CSMD1: variants seen among roughly 807,000 people sequenced by gnomAD.
CSMD1 encodes the protein CUB and sushi domain-containing protein 1.
Under a neutral mutation model 417.5 loss-of-function variants are expected in CSMD1, and 213 were observed. That is an observed-to-expected ratio of 0.51 (90% CI 0.46 to 0.57). The LOEUF (loss-of-function observed/expected upper bound fraction) is 0.57, where lower values mean the gene tolerates loss of function less well. CSMD1 is among the 20% of genes least tolerant of loss of function. CSMD1 has a pLI of 0.00. For missense variants in CSMD1, 6,923 were observed against 4,529.7 expected, an observed-to-expected ratio of 1.53 and a Z score of -15.17; for synonymous variants, 2,862 against 1,736.8, an observed-to-expected ratio of 1.65 and a Z score of -16.11.
chr8:4,380,142 C>G (rs1803007741), intron 3 of CSMD1, among the ~76,000 whole-genome samples: 1 of 152,190 alleles, frequency 6.6e-6, no homozygotes, highest in Admixed American at 6.5e-5. Context: ...ATAGTTTCTA[C>G]ATATCTGCCC....
intron 3 of CSMD1, among the ~76,000 whole-genome samples, chr8:4,062,439 A>C (rs1356816398): frequency 6.6e-6 from 1 of 152,162 alleles, no homozygotes; most frequent in East Asian, 1.9e-4. Context: ...TTTTCTAAGA[A>C]TCTCAGATAT....
intron 25 of CSMD1, among the ~76,000 whole-genome samples, chr8:3,291,083 C>G (rs141501108): frequency 0.089 from 13,502 of 152,174 alleles, 769 homozygotes; most frequent in Non-Finnish European, 0.13. Flanking sequence ...TTGAGATAAT[C>G]ATGTGGTTTT....
chr8:4,411,567 C>G (rs1363801713), intron 3 of CSMD1, among the ~76,000 whole-genome samples: 1 of 152,124 alleles, frequency 6.6e-6, no homozygotes, highest in Non-Finnish European at 1.5e-5. Context: ...TTTTTCTGTG[C>G]TCATTGCAAT....
intron 23 of CSMD1, among the ~76,000 whole-genome samples, chr8:3,332,089 CAT>C (rs1491413081): frequency 1.3e-5 from 2 of 152,134 alleles, no homozygotes; most frequent in Non-Finnish European, 2.9e-5. Flanking sequence ...TTGACAGACA[CAT>C]GATAGATACG....
chr8:3,600,538 T>C (rs370410514), intron 8 of CSMD1, among the ~76,000 whole-genome samples: 1 of 152,202 alleles, frequency 6.6e-6, no homozygotes, highest in East Asian at 1.9e-4. Context: ...TGAAATGTCA[T>C]CCTGGGGATA....
chr8:4,769,329 T>G (rs368162922), intron 1 of CSMD1, among the ~76,000 whole-genome samples: 1 of 152,172 alleles, frequency 6.6e-6, no homozygotes, highest in South Asian at 2.1e-4. Flanking sequence ...CTACTACAAT[T>G]ACCGTTTAAG....
Position 4,536,228 on chromosome 8 carries a change from T to G in CSMD1, c.302+101114A>C, listed in dbSNP as rs917354972. Reference sequence around the variant, plus strand: ...GCTTTTGCATTTCATTTTAACCTATTCATAATTATGTGAAACCATATACAC... The same window carrying G: ...GCTTTTGCATTTCATTTTAACCTATGCATAATTATGTGAAACCATATACAC... On this transcript the variant is annotated intron_variant, in intron 2 of 69. Transcript: ENST00000635120. 6.1e-4 allele frequency among the ~76,000 whole-genome samples: 93 copies of G among 152,252 alleles called. 1 individual carries two copies. Among genetic ancestry groups the G allele is most frequent in the African/African-American group, 2.2e-3 (90 of 41,562 alleles).
chr8:4,461,051 C>A (rs1478632341), intron 2 of CSMD1, among the ~76,000 whole-genome samples: 1 of 152,118 alleles, frequency 6.6e-6, no homozygotes, highest in Non-Finnish European at 1.5e-5. Flanking sequence ...ACATATAAAG[C>A]ATTATATACT....
At chr8:3,624,069 A>G (rs1796382491) in intron 7 of CSMD1, among the ~76,000 whole-genome samples, 1 of 152,214 alleles carries the variant, frequency 6.6e-6, no homozygotes, top group African/African-American at 2.4e-5. Flanking sequence ...TAAACTAAAG[A>G]GACACTTTTG....
intron 42 of CSMD1, among the ~76,000 whole-genome samples, chr8:3,115,416 T>C (rs916881518): frequency 1.3e-5 from 2 of 152,130 alleles, no homozygotes; most frequent in Non-Finnish European, 2.9e-5. Context: ...TGGCCAGGCT[T>C]GTCTCAAACT....
chr8:3,603,021 C>T (rs928434122), intron 8 of CSMD1, among the ~76,000 whole-genome samples: 3 of 152,092 alleles, frequency 2.0e-5, no homozygotes, highest in East Asian at 3.9e-4. Context: ...GATATTCCAC[C>T]AGCCCTATTT....
At chr8:4,385,533 C>G (rs563359469) in intron 3 of CSMD1, among the ~76,000 whole-genome samples, 3 of 152,104 alleles carry the variant, frequency 2.0e-5, no homozygotes, top group African/African-American at 7.2e-5. Context: ...ATATTAATCT[C>G]CTTTCATTTT....
intron 54 of CSMD1, among the ~76,000 whole-genome samples, chr8:2,981,769 A>C (rs1312255129): frequency 1.3e-5 from 2 of 152,176 alleles, no homozygotes; most frequent in Non-Finnish European, 2.9e-5. Flanking sequence ...TAAAAGAAGA[A>C]ATTAATACCG....
chr8:3,421,913 C>G (rs1180102491), intron 12 of CSMD1, among the ~76,000 whole-genome samples: 1 of 145,844 alleles, frequency 6.9e-6, no homozygotes, highest in Non-Finnish European at 1.5e-5. Context: ...GCTGGGATTA[C>G]AGGCGTGAGC....
intron 2 of CSMD1, among the ~76,000 whole-genome samples, chr8:4,560,323 C>T (rs1160590436): frequency 6.6e-6 from 1 of 152,208 alleles, no homozygotes; most frequent in Non-Finnish European, 1.5e-5. Context: ...AAACAGGATA[C>T]AGCACGTGGT....
At chr8:4,044,231 C>T (rs920949112) in intron 3 of CSMD1, among the ~76,000 whole-genome samples, 1 of 152,130 alleles carries the variant, frequency 6.6e-6, no homozygotes, top group Non-Finnish European at 1.5e-5. Flanking sequence ...ATACAAATAA[C>T]TTATTTTCTC....
At chr8:3,413,838 T>A (rs1380893051) in intron 12 of CSMD1, among the ~76,000 whole-genome samples, 3 of 152,090 alleles carry the variant, frequency 2.0e-5, no homozygotes, top group Non-Finnish European at 4.4e-5. Flanking sequence ...TAACACATTT[T>A]CTTAGAAACA....
chr8:4,142,658 A>T (rs1226390051), intron 3 of CSMD1, among the ~76,000 whole-genome samples: 2 of 151,114 alleles, frequency 1.3e-5, no homozygotes, highest in East Asian at 1.9e-4. Flanking sequence ...ACAGTAACTG[A>T]TTCTGGCCGT....
chr8:4,617,562 G>A (rs773669471), intron 2 of CSMD1, among the ~76,000 whole-genome samples: 14 of 152,164 alleles, frequency 9.2e-5, no homozygotes, highest in South Asian at 2.1e-4. Context: ...TCATGGTGGC[G>A]CTCTCCTTAT....
Sources: allele counts gnomAD v4.1 joint callset (sites outside exome capture counted in the v4.1 genomes callset), GRCh38; gene constraint gnomAD v4.1.1; transcripts MANE v1.5; gene names NCBI Gene and HGNC (gene_info 2026-07-23, HGNC 2026-07-21).